The following SDHA variants were observed in gnomAD, a reference collection of about 807,000 sequenced individuals.
SDHA encodes succinate dehydrogenase [ubiquinone] flavoprotein subunit, mitochondrial.
In SDHA, 48 loss-of-function variants were observed where a neutral mutation model predicts 78.4. The ratio of observed to expected loss-of-function variants is 0.61; its 90% CI spans 0.49 to 0.78. The LOEUF is 0.78. Among genes scored for constraint, SDHA ranks in the 30% least tolerant of loss-of-function variants. The pLI, the probability that SDHA is intolerant of heterozygous loss-of-function variation, is 0.00. For missense variants in SDHA, 680 were observed against 892.7 expected (o/e 0.76, Z 3.04); for synonymous variants, 326 against 353.9 (o/e 0.92, Z 0.88).
At chr5:259,099 C>T (rs1397526021), downstream of SDHA, among the ~76,000 whole-genome samples, 7 of 49,172 alleles carry the variant, frequency 1.4e-4, no homozygotes, top group South Asian at 8.3e-4. Flanking sequence ...AGAGCATTAC[C>T]GTGTGAGCTC....
intron 11 of SDHA, among the ~76,000 whole-genome samples, chr5:241,640 A>G (rs1469945869): frequency 6.6e-6 from 1 of 152,244 alleles, no homozygotes; most frequent in Non-Finnish European, 1.5e-5. Context: ...TTGTCCATGA[A>G]TGAGATCTCT....
chr5:261,311 G>A (rs574579533), downstream of SDHA, among the ~76,000 whole-genome samples: 1 of 13,254 alleles, frequency 7.5e-5, no homozygotes, highest in East Asian at 5.8e-4. Flanking sequence ...ATTACCGTGT[G>A]AGCTCCGCCT....
At chr5:248,645 G>T (rs1440379635) in intron 11 of SDHA, among the ~76,000 whole-genome samples, 1 of 152,124 alleles carries the variant, frequency 6.6e-6, no homozygotes, top group Non-Finnish European at 1.5e-5. Flanking sequence ...CTGTAAACAG[G>T]ATTGGACCCA....
chr5:252,987 G>C (rs1043026584), intron 13 of SDHA: 1 of 152,450 alleles, frequency 6.6e-6, no homozygotes, highest in African/African-American at 2.4e-5. Context: ...CCTGTCCTGT[G>C]GTTTGGAAAA....
intron 1 of SDHA, among the ~76,000 whole-genome samples, chr5:218,838 G>A (rs1432686519): frequency 3.9e-5 from 6 of 152,144 alleles, no homozygotes; most frequent in African/African-American, 1.4e-4. Flanking sequence ...CTGGGCCTCT[G>A]CCGCCCTCTG....
chr5:228,699 G>A (rs1244902610), intron 6 of SDHA, among the ~76,000 whole-genome samples: 1 of 151,982 alleles, frequency 6.6e-6, no homozygotes, highest in Non-Finnish European at 1.5e-5. Context: ...TCCTCGGGTG[G>A]GTAAGTCCTT....
In SDHA at chr5:237,916, G is replaced by A. The variant is rs568335200; in HGVS notation, c.1432+1317G>A. 1.5e-5 allele frequency among the ~76,000 whole-genome samples: 2 copies of A among 136,010 alleles called. 1 individual carries two copies. Among genetic ancestry groups the A allele is most frequent in the African/African-American group, 7.0e-5 (2 of 28,554 alleles). 89.2% of individuals were successfully genotyped at this position (136,010 alleles called of 152,430 possible). On this transcript the variant is annotated intron_variant, in intron 10 of 14. Transcript: ENST00000264932. The stretch of plus-strand genomic sequence containing the variant: ...GCCATTGGTGATCATCGGCGAAGGC[G>A]GAGTTCAGGTCCATCGTTCCTGACG...
the SDHA span, among the ~76,000 whole-genome samples, chr5:265,942 C>A: frequency 1.3e-5 from 2 of 151,340 alleles, no homozygotes; most frequent in Admixed American, 1.3e-4. Context: ...GGAACCCTAC[C>A]CCAGATCTTC....
rs76867867 is a variant in SDHA, at chr5:219,166, C to T, written c.63+748C>T. Among the ~76,000 whole-genome samples, 475 of 152,312 alleles carry T rather than the reference C, an allele frequency of 3.1e-3. 1 individual carries two copies. The highest frequency in any genetic ancestry group is 0.011 in the African/African-American group (465 of 41,546). ...CAGGCGGAGAGCTCAGCGCACTGAC[C>T]GGGCGAGGACGCCGGGACCTGTGCT... On this transcript the variant is annotated intron_variant, in intron 1 of 14. Transcript: ENST00000264932.
At chr5:231,093 A>C in intron 7 of SDHA, 93 bp downstream of exon 7, 1 of 1,444,900 alleles carries the variant, frequency 6.9e-7, no homozygotes, top group South Asian at 1.2e-5. Flanking sequence ...AGTTTTATGT[A>C]ATAACATGGT....
chr5:251,458 A>G lies in SDHA; in HGVS notation c.1784A>G (p.Glu595Gly). ...RKESRGAHAR[E>G]DYKVRIDEYD... is the part of the protein sequence containing the mutation. ...GAGTCACGGGGCGCGCATGCCAGGG[A>G]AGACTACAAGGTGGGCCTTCTCACC... is the stretch of plus-strand genomic sequence containing the variant. The change falls in exon 13 of 15, where the codon GAA becomes GGA. Residue 595 changes from glutamate (E) to glycine (G), a missense_variant. Transcript: ENST00000264932. 6.2e-7 allele frequency: 1 copy of G among 1,613,960 alleles called. No homozygotes were observed.
chr5:258,592 G>T (rs1184888384), downstream of SDHA, among the ~76,000 whole-genome samples: 1 of 105,082 alleles, frequency 9.5e-6, no homozygotes, highest in South Asian at 3.0e-4. Flanking sequence ...GAGCATTACC[G>T]TGTGAGCTCC....
downstream of SDHA, among the ~76,000 whole-genome samples, chr5:257,698 C>T (rs1269979300): frequency 2.5e-5 from 3 of 119,460 alleles, no homozygotes; most frequent in Admixed American, 1.6e-4. Flanking sequence ...TTACTGTGAG[C>T]TCCGCCTCCC....
intron 9 of SDHA, chr5:236,165 C>T (rs1735763475): frequency 4.2e-6 from 2 of 478,776 alleles, no homozygotes; most frequent in East Asian, 8.2e-5. Context: ...GCTGGGATTA[C>T]AGGCACCCGC....
intron 11 of SDHA, among the ~76,000 whole-genome samples, chr5:244,251 ACC>A (rs1736314311): frequency 3.3e-5 from 5 of 150,956 alleles, no homozygotes; most frequent in African/African-American, 9.8e-5. Context: ...GGGAACCCCC[ACC>A]AAAGGTCCCA....
In SDHA at chr5:256,823, C is replaced by CTTT. The variant is rs758468864; in HGVS notation, c.*405_*407dup. On this transcript the variant is annotated 3_prime_UTR_variant, in exon 15 of 15. Transcript: ENST00000264932. Reference sequence around the variant, plus strand: ...TTTGTATAGTTTCTTTTTTCTTTTTCTTTTCTTTTTTTTTTTTGAGACAGG... The same window carrying CTTT: ...TTTGTATAGTTTCTTTTTTCTTTTTCTTTTTTTCTTTTTTTTTTTTGAGACAGG... The CTTT allele has an allele frequency of 0.12, 27,760 of 223,982 alleles. 2,936 individuals are homozygous for CTTT. Among genetic ancestry groups the CTTT allele is most frequent in the African/African-American group, 0.32 (12,132 of 37,514 alleles). The allele number at this position is 223,982 out of a possible 1,614,324, so 13.9% of individuals were successfully genotyped here. A position where few individuals can be genotyped will look rare whatever the true frequency, so the allele number is the denominator to read the frequency against.
At chr5:230,745 A>C in intron 6 of SDHA, 131 bp from the exon 7 acceptor site, 4 of 1,201,774 alleles carry the variant, frequency 3.3e-6, no homozygotes, top group Non-Finnish European at 4.9e-6. Flanking sequence ...GGTGTGCGTG[A>C]GTAGGGGGTT....
rs376391115 is a variant in SDHA at position 251,101 on chromosome 5, G to A, written c.1661G>A (p.Arg554Gln). 90 of 1,611,472 alleles carry A rather than the reference G, an allele frequency of 5.6e-5. No homozygotes were observed. In the East Asian group the frequency reaches 1.4e-3, roughly 26 times the overall value. The change falls in exon 12 of 15, where the codon CGG becomes CAG. Residue 554 changes from arginine to glutamine, a missense_variant and splice_region_variant. Coordinates refer to ENST00000264932, the MANE Select transcript of SDHA (RefSeq NM_004168.4). ...CTAAAGCACCTGAAGACGTTCGACC[G>A]GGGTGAGCAGACAGTGGGCTCTGTG... is the stretch of plus-strand genomic sequence containing the variant. ...GDLKHLKTFD[R>Q]GMVWNTDLVE...
chr5:242,234 TAAAC>T (rs1736189988), intron 11 of SDHA, among the ~76,000 whole-genome samples: 1 of 152,170 alleles, frequency 6.6e-6, no homozygotes, highest in African/African-American at 2.4e-5. Context: ...AAACTGACCA[TAAAC>T]AAAATCTCTG....
Sources: gnomAD v4.1 joint callset for allele counts (sites outside exome capture counted in the v4.1 genomes callset) on GRCh38, gnomAD v4.1.1 for gene constraint, MANE v1.5 for transcripts, NCBI Gene and HGNC (gene_info 2026-07-23, HGNC 2026-07-21) for gene names.